Variants in RNF150 observed in about 807,000 individuals in gnomAD.
RNF150 encodes the protein ring finger protein 150.
A neutral mutation model predicts 39.3 loss-of-function variants in RNF150; 24 were observed. That is an observed-to-expected ratio of 0.61 (90% CI 0.44 to 0.86). RNF150 has a LOEUF of 0.86. RNF150 is among the 40% of genes least tolerant of loss of function. The pLI is 0.00. For synonymous variants in RNF150, 255 were observed against 227.3 expected, an observed-to-expected ratio of 1.12 and a Z score of -1.10; for missense variants, 502 against 587.8, an observed-to-expected ratio of 0.85 and a Z score of 1.51.
chr4:141,187,184 C>T (rs1728027731), intron 1 of RNF150, among the ~76,000 whole-genome samples: 1 of 152,160 alleles, frequency 6.6e-6, no homozygotes, highest in Non-Finnish European at 1.5e-5. Flanking sequence ...TGTCTTACTC[C>T]TGAGTTCTAA....
chr4:141,163,152 C>T (rs531687320), intron 1 of RNF150, among the ~76,000 whole-genome samples: 18 of 152,220 alleles, frequency 1.2e-4, no homozygotes, highest in East Asian at 3.9e-4. Flanking sequence ...CTTGAGTAGG[C>T]GGTTTTCCCC....
At position 140,921,918 on chromosome 4, in the gene RNF150, A is replaced by G. The variant is rs1256223430; in HGVS notation, c.987+4059T>C. 5.3e-5 allele frequency among the ~76,000 whole-genome samples: 8 copies of G among 151,888 alleles called. No homozygotes were observed. In the South Asian group the frequency reaches 8.4e-4, roughly 16 times the overall value. On this transcript the variant is annotated intron_variant, in intron 5 of 6. Transcript: ENST00000515673. ...AAAAGGCCTTTGACAAAATTCAACA[A>G]CGCTTCATGCTAAAAACTCTCAATA... is the stretch of plus-strand genomic sequence containing the variant.
chr4:141,137,018 A>C (rs1727038594), upstream of RNF150, among the ~76,000 whole-genome samples: 1 of 152,226 alleles, frequency 6.6e-6, no homozygotes. Flanking sequence ...AGGCAAGTAC[A>C]TGAGTACAAG....
chr4:140,879,271 A>G (rs902642992), intron 6 of RNF150, among the ~76,000 whole-genome samples: 1 of 152,226 alleles, frequency 6.6e-6, no homozygotes, highest in African/African-American at 2.4e-5. Flanking sequence ...CACAAAAAAA[A>G]TGCCATTGGG....
At chr4:140,892,950 C>T (rs999049426) in intron 6 of RNF150, among the ~76,000 whole-genome samples, 4 of 152,144 alleles carry the variant, frequency 2.6e-5, no homozygotes, top group East Asian at 3.9e-4. Flanking sequence ...TACCTGTAGT[C>T]CCAGCTACTC....
chr4:140,881,883 T>TA (rs138494545), intron 6 of RNF150, among the ~76,000 whole-genome samples: 26,804 of 151,958 alleles, frequency 0.18, 2,942 homozygotes, highest in Middle Eastern at 0.31. Context: ...TCCATCTCTT[T>TA]AAAAAAAGAG....
chr4:141,069,999 C>CA (rs1344297668), intron 1 of RNF150, among the ~76,000 whole-genome samples: 5 of 151,804 alleles, frequency 3.3e-5, no homozygotes, highest in South Asian at 4.2e-4. Flanking sequence ...TTGATCCTTT[C>CA]AAAAAAACCA....
rs150839637 is a variant in RNF150, at chr4:140,877,614, G to A, written c.1199-9235C>T. On this transcript the variant is annotated intron_variant, in intron 6 of 6. Coordinates refer to ENST00000515673, the MANE Select transcript of RNF150 (RefSeq NM_020724.2). ...AGGTACACAGCACTGCTGATGAGCA[G>A]TGTGGAGAAAAGAAAGATGACCTAA... 2.5e-3 allele frequency among the ~76,000 whole-genome samples: 377 copies of A among 152,340 alleles called. 2 individuals carry two copies. Among genetic ancestry groups the A allele is most frequent in the African/African-American group, 8.5e-3 (354 of 41,570 alleles).
chr4:141,056,549 TAG>T (rs1014572956), intron 1 of RNF150, among the ~76,000 whole-genome samples: 1 of 151,986 alleles, frequency 6.6e-6, no homozygotes, highest in Admixed American at 6.6e-5. Flanking sequence ...TTTTATACTT[TAG>T]AGTCTCAGGT....
At chr4:140,923,312 A>T (rs1195611497) in intron 5 of RNF150, among the ~76,000 whole-genome samples, 1 of 152,240 alleles carries the variant, frequency 6.6e-6, no homozygotes, top group African/African-American at 2.4e-5. Flanking sequence ...TGGGCAAAGG[A>T]TATGAACAGA....
chr4:141,110,179 C>T (rs1031033128), intron 1 of RNF150, among the ~76,000 whole-genome samples: 7 of 152,190 alleles, frequency 4.6e-5, no homozygotes, highest in South Asian at 2.1e-4. Context: ...GCCTCAGCCT[C>T]GGTCTGCCTC....
chr4:140,998,563 C>G (rs887830529), intron 1 of RNF150, among the ~76,000 whole-genome samples: 1 of 152,196 alleles, frequency 6.6e-6, no homozygotes, highest in Non-Finnish European at 1.5e-5. Context: ...AAGATTAATA[C>G]CATTACCATC....
intron 4 of RNF150, among the ~76,000 whole-genome samples, chr4:140,932,981 T>C (rs1166672187): frequency 6.6e-6 from 1 of 151,952 alleles, no homozygotes; most frequent in Non-Finnish European, 1.5e-5. Flanking sequence ...CCACTGAGAG[T>C]TGGGTTCGTT....
intron 5 of RNF150, among the ~76,000 whole-genome samples, chr4:140,913,765 GACTAGGT>G (rs1307182694): frequency 6.6e-6 from 1 of 152,208 alleles, no homozygotes; most frequent in African/African-American, 2.4e-5. Flanking sequence ...CACTGACAAT[GACTAGGT>G]GCTCAGTAAA....
At chr4:141,205,190 T>G (rs1201323076) in intron 1 of RNF150, among the ~76,000 whole-genome samples, 1 of 152,202 alleles carries the variant, frequency 6.6e-6, no homozygotes, top group African/African-American at 2.4e-5. Context: ...AGAAATCATA[T>G]TAACTCATTT....
intron 1 of RNF150, among the ~76,000 whole-genome samples, chr4:141,024,659 G>A (rs559638939): frequency 9.9e-5 from 15 of 152,276 alleles, no homozygotes; most frequent in East Asian, 1.9e-4. Flanking sequence ...AAAAGTGTGC[G>A]GGTGGCAATC....
intron 4 of RNF150, among the ~76,000 whole-genome samples, chr4:140,938,319 G>A (rs916023889): frequency 3.3e-5 from 5 of 151,716 alleles, no homozygotes; most frequent in South Asian, 4.2e-4. Context: ...CTCATGTTAC[G>A]CTATTTATTA....
At chr4:141,002,684 G>C (rs114642479) in intron 1 of RNF150, among the ~76,000 whole-genome samples, 68 of 152,258 alleles carry the variant, frequency 4.5e-4, no homozygotes, top group African/African-American at 1.6e-3. Flanking sequence ...ACTATGATTT[G>C]AACAGGGCCT....
chr4:141,117,895 A>G (rs376594190), intron 1 of RNF150, among the ~76,000 whole-genome samples: 2 of 152,218 alleles, frequency 1.3e-5, no homozygotes, highest in African/African-American at 4.8e-5. Context: ...ATAAGTCTGG[A>G]ACTGGAAAGG....
Sources: gnomAD v4.1 joint callset for allele counts (sites outside exome capture counted in the v4.1 genomes callset) on GRCh38, gnomAD v4.1.1 for gene constraint, MANE v1.5 for transcripts, NCBI Gene and HGNC (gene_info 2026-07-23, HGNC 2026-07-21) for gene names.